Variants in LARGE1 observed in about 807,000 individuals in gnomAD.
The protein encoded by LARGE1 is xylosyl- and glucuronyltransferase LARGE1.
LARGE1 carries 43 observed loss-of-function variants against 87.6 expected under a neutral mutation model. The observed-to-expected ratio is 0.49, with a 90% CI of 0.38 to 0.63. The LOEUF (loss-of-function observed/expected upper bound fraction) is 0.63, where lower values mean the gene tolerates loss of function less well. LARGE1 is among the 30% of genes least tolerant of loss of function. The pLI is 0.00. For synonymous variants in LARGE1, 434 were observed against 394.6 expected (o/e 1.10, Z -1.18); for missense variants, 802 against 1,000.2 (o/e 0.80, Z 2.67).
At chr22:33,104,807 A>G in the LARGE1 span, among the ~76,000 whole-genome samples, 21 of 152,282 alleles carry the variant, frequency 1.4e-4, no homozygotes, top group African/African-American at 5.1e-4. Flanking sequence ...CCTTCCCTAC[A>G]GTTCCCAGTC....
chr22:33,656,725 A>G (rs1337691040), intron 2 of LARGE1, among the ~76,000 whole-genome samples: 2 of 151,434 alleles, frequency 1.3e-5, no homozygotes, highest in Non-Finnish European at 2.9e-5. Flanking sequence ...TCTGCGGTTC[A>G]GCCCACTTTC....
At chr22:33,860,827 G>A (rs555264252) in intron 1 of LARGE1, among the ~76,000 whole-genome samples, 48 of 152,290 alleles carry the variant, frequency 3.2e-4, no homozygotes, top group Middle Eastern at 6.8e-3. Flanking sequence ...AACTAGAATG[G>A]TGCATCTGCC....
intron 2 of LARGE1, among the ~76,000 whole-genome samples, chr22:33,654,610 G>A (rs2080909762): frequency 6.6e-6 from 1 of 152,174 alleles, no homozygotes; most frequent in African/African-American, 2.4e-5. Flanking sequence ...AGCACAAGCA[G>A]GAGAGAGGGT....
At chr22:33,072,933 C>A in the LARGE1 span, among the ~76,000 whole-genome samples, 1 of 152,196 alleles carries the variant, frequency 6.6e-6, no homozygotes, top group Non-Finnish European at 1.5e-5. Context: ...TCCAGCTGCA[C>A]CACCTGTTAA....
chr22:33,764,261 G>C lies in LARGE1; in HGVS notation c.-82-2703C>G, dbSNP rs2084829156. 3.3e-5 allele frequency among the ~76,000 whole-genome samples: 5 copies of C among 152,074 alleles called. No individual in the cohort carries two copies. The South Asian group carries it at 1.0e-3, about 32-fold the overall frequency. ...TATGCCAGATAGGTGATTTAAACCT[G>C]AAGGATCCACCTACTCAATTCTCCT... On this transcript the variant is annotated intron_variant, in intron 1 of 14. Coordinates refer to ENST00000397394, the MANE Select transcript of LARGE1 (RefSeq NM_133642.5).
intron 11 of LARGE1, among the ~76,000 whole-genome samples, chr22:33,210,074 G>GT (rs886458010): frequency 6.6e-6 from 1 of 152,204 alleles, no homozygotes; most frequent in African/African-American, 2.4e-5. Flanking sequence ...CCAGGCATCA[G>GT]TTTTTTTAAA....
At chr22:33,226,805 C>T (rs1925760840) in intron 11 of LARGE1, among the ~76,000 whole-genome samples, 1 of 151,868 alleles carries the variant, frequency 6.6e-6, no homozygotes, top group Admixed American at 6.6e-5. Context: ...TCTCGGCTCA[C>T]TGCAAGCTCC....
At chr22:33,561,059 CG>C (rs1391731164) in intron 6 of LARGE1, among the ~76,000 whole-genome samples, 2 of 152,170 alleles carry the variant, frequency 1.3e-5, no homozygotes, top group African/African-American at 4.8e-5. Flanking sequence ...CGTGATCTGC[CG>C]GGCTCGGCCT....
chr22:33,827,018 G>A (rs1239719952), intron 1 of LARGE1, among the ~76,000 whole-genome samples: 5 of 152,006 alleles, frequency 3.3e-5, no homozygotes, highest in African/African-American at 1.2e-4. Context: ...AGAAGATGCA[G>A]CCTATCAAAC....
chr22:33,812,280 T>C (rs1310131074), intron 1 of LARGE1, among the ~76,000 whole-genome samples: 2 of 152,222 alleles, frequency 1.3e-5, no homozygotes, highest in Non-Finnish European at 2.9e-5. Flanking sequence ...TTGGGAATTG[T>C]GCCTGGCCTC....
intron 9 of LARGE1, among the ~76,000 whole-genome samples, chr22:33,381,451 G>A (rs1389264190): frequency 1.3e-5 from 2 of 152,038 alleles, no homozygotes; most frequent in Admixed American, 1.3e-4. Context: ...GCATCTCCCC[G>A]ACTGACCCAC....
At chr22:33,688,297 A>C (rs1273811004) in intron 2 of LARGE1, among the ~76,000 whole-genome samples, 4 of 152,204 alleles carry the variant, frequency 2.6e-5, no homozygotes, top group Admixed American at 6.5e-5. Context: ...TTAAGTGTTC[A>C]TCATTACTTT....
At chr22:33,431,247 G>A (rs2147710572) in intron 7 of LARGE1, among the ~76,000 whole-genome samples, 1 of 152,328 alleles carries the variant, frequency 6.6e-6, no homozygotes, top group South Asian at 2.1e-4. Context: ...CACCCCATGA[G>A]GTCATGGACT....
At chr22:33,537,747 T>A (rs5754599) in intron 6 of LARGE1, among the ~76,000 whole-genome samples, 81,807 of 151,676 alleles carry the variant, frequency 0.54, 22,645 homozygotes, top group Admixed American at 0.64. Flanking sequence ...TTTTTTTGGA[T>A]TTTTTAGTAG....
intron 1 of LARGE1, among the ~76,000 whole-genome samples, chr22:33,862,948 A>G (rs1425641199): frequency 1.3e-5 from 2 of 152,118 alleles, no homozygotes; most frequent in African/African-American, 4.8e-5. Context: ...TTTCTAGTCT[A>G]TTATTATTAT....
At chr22:33,221,114 CTT>C (rs1925434463) in intron 11 of LARGE1, among the ~76,000 whole-genome samples, 1 of 152,014 alleles carries the variant, frequency 6.6e-6, no homozygotes, top group Non-Finnish European at 1.5e-5. Context: ...CATTAAGAAA[CTT>C]ATAAAATTAT....
At chr22:33,162,788 A>C (rs1922077040) in exon 12 of LARGE1, 1 of 152,222 alleles carries the variant, frequency 6.6e-6, no homozygotes, top group Non-Finnish European at 1.5e-5. Context: ...AAAGTTACTG[A>C]ATTATACACT....
chr22:33,409,832 G>T (rs576792956), intron 7 of LARGE1, among the ~76,000 whole-genome samples: 52 of 145,578 alleles, frequency 3.6e-4, no homozygotes, highest in Admixed American at 1.5e-3. Context: ...CTGCACTCCA[G>T]CCTGGGCGAC....
chr22:33,331,442 T>C (rs926422445), intron 10 of LARGE1, among the ~76,000 whole-genome samples: 2 of 151,184 alleles, frequency 1.3e-5, no homozygotes, highest in African/African-American at 4.9e-5. Context: ...AGTCTTGCTC[T>C]TGTTGCCCAG....
Sources: gnomAD v4.1 joint callset for allele counts (sites outside exome capture counted in the v4.1 genomes callset) on GRCh38, gnomAD v4.1.1 for gene constraint, MANE v1.5 for transcripts, NCBI Gene and HGNC (gene_info 2026-07-23, HGNC 2026-07-21) for gene names.